RPS6KA2: variants seen among roughly 807,000 people sequenced by gnomAD.
RPS6KA2 encodes the protein ribosomal protein S6 kinase alpha-2.
Under a neutral mutation model 91.8 loss-of-function variants are expected in RPS6KA2, and 42 were observed. That is an observed-to-expected ratio of 0.46 (90% CI 0.36 to 0.59). RPS6KA2 has a LOEUF of 0.59. Ranked by LOEUF, RPS6KA2 falls within the 20% of genes least tolerant of loss-of-function variation. The pLI is 0.00. For synonymous variants in RPS6KA2, 414 were observed against 393.6 expected, an observed-to-expected ratio of 1.05 and a Z score of -0.61; for missense variants, 798 against 978.5, an observed-to-expected ratio of 0.82 and a Z score of 2.46.
At chr6:166,848,275 T>C (rs975387318) in intron 2 of RPS6KA2, among the ~76,000 whole-genome samples, 1 of 152,222 alleles carries the variant, frequency 6.6e-6, no homozygotes, top group Admixed American at 6.5e-5. Flanking sequence ...TTAGCATGGA[T>C]GCAGTGAAAA....
At chr6:166,706,242 C>T (rs568130790) in intron 2 of RPS6KA2, among the ~76,000 whole-genome samples, 1 of 152,242 alleles carries the variant, frequency 6.6e-6, no homozygotes, top group East Asian at 1.9e-4. Context: ...CCTCTCTGTA[C>T]CAATTGAGAG....
Position 166,770,880 on chromosome 6 carries a change from C to T in RPS6KA2, c.123+87320G>A, listed in dbSNP as rs1227836338. ...CTTCTTACCTCTACGGATCCAGCTA[C>T]CTTTGTCTTGCAGGCAGCTGAGTCA... is the stretch of plus-strand genomic sequence containing the variant. On this transcript the variant is annotated intron_variant, in intron 2 of 21. Transcript: ENST00000503859. The surrounding 1 kb of genome is among the most constrained non-coding windows in gnomAD (Gnocchi z 5.1). 2 of 1,597,114 alleles carry T rather than the reference C, an allele frequency of 1.3e-6. No individual in the cohort carries two copies. The highest frequency in any genetic ancestry group is 1.7e-6 in the Non-Finnish European group (2 of 1,179,614).
At chr6:166,771,984 G>A (rs1212277563) in intron 2 of RPS6KA2, among the ~76,000 whole-genome samples, 2 of 152,180 alleles carry the variant, frequency 1.3e-5, no homozygotes, top group African/African-American at 4.8e-5. Flanking sequence ...GCTGATGAGC[G>A]GCCGGTTTAT....
chr6:166,774,123 G>C (rs1778552334), intron 2 of RPS6KA2, among the ~76,000 whole-genome samples: 1 of 152,072 alleles, frequency 6.6e-6, no homozygotes, highest in South Asian at 2.1e-4. Context: ...CGGCACTTGG[G>C]GTCATAGTCT....
At chr6:166,476,796 G>A (rs1201634295) in intron 10 of RPS6KA2, among the ~76,000 whole-genome samples, 1 of 152,146 alleles carries the variant, frequency 6.6e-6, no homozygotes, top group East Asian at 1.9e-4. Context: ...TGGGCCCTGA[G>A]GTCCTGTGTG....
At chr6:166,455,192 G>T (rs1780058442) in intron 12 of RPS6KA2, among the ~76,000 whole-genome samples, 1 of 152,036 alleles carries the variant, frequency 6.6e-6, no homozygotes, top group South Asian at 2.1e-4. Flanking sequence ...ATCTCCACAC[G>T]GTGCGGCAGG....
At chr6:166,511,269 T>G (rs771517377) in intron 3 of RPS6KA2, among the ~76,000 whole-genome samples, 2 of 152,144 alleles carry the variant, frequency 1.3e-5, no homozygotes, top group Non-Finnish European at 2.9e-5. Context: ...CTTCATCCAA[T>G]GGTGTGAGCA....
chr6:166,677,672 T>A (rs367711578), intron 2 of RPS6KA2, among the ~76,000 whole-genome samples: 35 of 152,318 alleles, frequency 2.3e-4, no homozygotes, highest in African/African-American at 8.2e-4. Context: ...TCCATCTTTA[T>A]CCTTGAAAAG....
rs879163314 is a variant in RPS6KA2 at position 166,495,690 on chromosome 6, T to C, written c.747+2818A>G. On this transcript the variant is annotated intron_variant, in intron 8 of 20. Transcript: ENST00000265678. This position sits in a 1 kb window ranked among gnomAD's most constrained non-coding sequence, Gnocchi z 4.4. Reference sequence around the variant, plus strand: ...GGCATCTTGGGTAAGGTGACTGGTGTTTAAGAAACTCCACGTGCCAGGAGA... The same window carrying C: ...GGCATCTTGGGTAAGGTGACTGGTGCTTAAGAAACTCCACGTGCCAGGAGA... Among the ~76,000 whole-genome samples the C allele has an allele frequency of 6.6e-6, 1 of 152,130 alleles. No individual in the cohort carries two copies. The highest frequency in any genetic ancestry group is 2.1e-4 in the South Asian group (1 of 4,824).
chr6:166,615,926 A>G (rs768620601), intron 1 of RPS6KA2, among the ~76,000 whole-genome samples: 5 of 152,302 alleles, frequency 3.3e-5, no homozygotes, highest in Non-Finnish European at 5.9e-5. Context: ...ATCTCCCTGC[A>G]TACACAGGCC....
chr6:166,812,401 C>T (rs1779660743), intron 2 of RPS6KA2, among the ~76,000 whole-genome samples: 1 of 152,162 alleles, frequency 6.6e-6, no homozygotes, highest in Non-Finnish European at 1.5e-5. Flanking sequence ...TTGGCAGCTC[C>T]CTCCCAGCCC....
chr6:166,842,824 G>A (rs1437394233), intron 2 of RPS6KA2, among the ~76,000 whole-genome samples: 2 of 152,250 alleles, frequency 1.3e-5, no homozygotes, highest in Non-Finnish European at 2.9e-5. Flanking sequence ...AAAGCAGCAT[G>A]TGGAGAGACC....
chr6:166,636,305 G>C lies in RPS6KA2; in HGVS notation c.124-97521C>G, dbSNP rs145861984. On this transcript the variant is annotated intron_variant, in intron 2 of 21. Transcript: ENST00000503859. ...GTACCTCCCTGCAGAGGCCTTTCTG[G>C]ATAGCCTATCTCGGACAGGCTTGAA... Among the ~76,000 whole-genome samples, 91 of 152,138 alleles carry C rather than the reference G, an allele frequency of 6.0e-4. No individual in the cohort carries two copies. The South Asian group carries it at 0.018, about 29-fold the overall frequency.
At chr6:166,655,034 G>C (rs1436123989) in intron 2 of RPS6KA2, among the ~76,000 whole-genome samples, 1 of 152,110 alleles carries the variant, frequency 6.6e-6, no homozygotes, top group Non-Finnish European at 1.5e-5. Flanking sequence ...ACAGCACCTG[G>C]ATGGCAGAAT....
At position 166,637,521 on chromosome 6, in the gene RPS6KA2, G is replaced by A. The variant is rs533364797; in HGVS notation, c.124-98737C>T. ...AGGGGACACACAAGGTGGAGAGTAGGAGAGCCAGCAAGCTCAGACTGCAGG... is the reference window on the plus strand; with the variant it reads ...AGGGGACACACAAGGTGGAGAGTAGAAGAGCCAGCAAGCTCAGACTGCAGG... On this transcript the variant is annotated intron_variant, in intron 2 of 21. Coordinates refer to the RPS6KA2 transcript ENST00000503859. 2.6e-5 allele frequency among the ~76,000 whole-genome samples: 4 copies of A among 152,368 alleles called. No individual in the cohort carries two copies. The South Asian group carries it at 6.2e-4, about 24-fold the overall frequency.
chr6:166,500,778 T>G lies in RPS6KA2; in HGVS notation c.604+109A>C. 1 of 993,136 alleles carries G rather than the reference T, an allele frequency of 1.0e-6. No homozygotes were observed. Among genetic ancestry groups the G allele is most frequent in the Admixed American group, 2.1e-5 (1 of 48,580 alleles). 61.5% of individuals were successfully genotyped at this position (993,136 alleles called of 1,614,324 possible). A position where few individuals can be genotyped will look rare whatever the true frequency, so the allele number is the denominator to read the frequency against. On this transcript the variant is annotated intron_variant, in intron 7 of 20. Transcript: ENST00000265678. The surrounding 1 kb of genome is among the most constrained non-coding windows in gnomAD (Gnocchi z 4.3). ...TTCTGCCAAATCAGAGACAAGCATC[T>G]GGCAAAGGGAAGGGCGGTGTAAATA... is the stretch of plus-strand genomic sequence containing the variant.
chr6:166,588,965 G>A (rs184836384), intron 1 of RPS6KA2, among the ~76,000 whole-genome samples: 272 of 152,326 alleles, frequency 1.8e-3, no homozygotes, highest in African/African-American at 5.7e-3. Flanking sequence ...GGGAGGAGGA[G>A]TGGGTGGTTA....
At chr6:166,846,507 C>T (rs1332541654) in intron 2 of RPS6KA2, among the ~76,000 whole-genome samples, 2 of 152,138 alleles carry the variant, frequency 1.3e-5, no homozygotes, top group African/African-American at 4.8e-5. Flanking sequence ...AAAGATAATC[C>T]ACCATGATCA....
intron 2 of RPS6KA2, among the ~76,000 whole-genome samples, chr6:166,823,482 GACCT>G (rs1779957916): frequency 2.0e-5 from 3 of 150,274 alleles, no homozygotes; most frequent in Non-Finnish European, 4.4e-5. Flanking sequence ...TGTAAAGGGT[GACCT>G]TATCTTTAGA....
Sources: gnomAD v4.1 joint callset for allele counts (sites outside exome capture counted in the v4.1 genomes callset) on GRCh38, gnomAD v4.1.1 for gene constraint, Gnocchi (gnomAD v3.1) non-coding constraint, MANE v1.5 for transcripts, NCBI Gene and HGNC (gene_info 2026-07-23, HGNC 2026-07-21) for gene names.